Variants in CCDC146 observed in about 807,000 individuals in gnomAD.
CCDC146 encodes the protein coiled-coil domain-containing protein 146.
A neutral mutation model predicts 119.3 loss-of-function variants in CCDC146; 92 were observed. The observed-to-expected ratio is 0.77, with a 90% CI of 0.65 to 0.92. The LOEUF is 0.92. Ranked by LOEUF, CCDC146 falls within the 40% of genes least tolerant of loss-of-function variation. CCDC146 has a pLI of 0.00. For missense variants in CCDC146, 1,000 were observed against 1,103.0 expected, an observed-to-expected ratio of 0.91 and a Z score of 1.32; for synonymous variants, 372 against 371.8, an observed-to-expected ratio of 1.00 and a Z score of -0.01.
intron 2 of CCDC146, among the ~76,000 whole-genome samples, chr7:77,172,111 CAG>C (rs1455792782): frequency 6.6e-6 from 1 of 152,166 alleles, no homozygotes; most frequent in Non-Finnish European, 1.5e-5. Flanking sequence ...CTCCTCAAAA[CAG>C]TGATAAATTG....
At chr7:77,249,138 T>G (rs1793008868) in intron 4 of CCDC146, among the ~76,000 whole-genome samples, 1 of 152,226 alleles carries the variant, frequency 6.6e-6, no homozygotes, top group African/African-American at 2.4e-5. Context: ...TACTTCTCCT[T>G]GCACTTCTAT....
chr7:77,251,772 T>C (rs1258678740), intron 4 of CCDC146, among the ~76,000 whole-genome samples: 1 of 152,208 alleles, frequency 6.6e-6, no homozygotes, highest in Non-Finnish European at 1.5e-5. Context: ...GCTCTTGTGC[T>C]CTTTCTCTCA....
At chr7:77,210,174 A>G (rs1411342995) in intron 2 of CCDC146, among the ~76,000 whole-genome samples, 1 of 152,242 alleles carries the variant, frequency 6.6e-6, no homozygotes, top group Non-Finnish European at 1.5e-5. Context: ...TCCCTTTTAA[A>G]TATAAGTTCC....
intron 18 of CCDC146, among the ~76,000 whole-genome samples, chr7:77,293,548 G>A (rs1350716068): frequency 6.6e-6 from 1 of 152,202 alleles, no homozygotes; most frequent in Non-Finnish European, 1.5e-5. Flanking sequence ...CCTCTGCTCA[G>A]ACCACATCTG....
chr7:77,220,575 C>A (rs1792385719), intron 2 of CCDC146, among the ~76,000 whole-genome samples: 1 of 152,212 alleles, frequency 6.6e-6, no homozygotes, highest in Admixed American at 6.5e-5. Flanking sequence ...AATTTATATT[C>A]TTCTGCTGTG....
intron 14 of CCDC146, 114 bp from the exon 15 acceptor site, chr7:77,282,443 T>C: frequency 1.5e-6 from 1 of 668,658 alleles, no homozygotes; most frequent in Non-Finnish European, 2.6e-6. Context: ...TGTGATCCTC[T>C]GGAAGTATGC....
intron 1 of CCDC146, among the ~76,000 whole-genome samples, chr7:77,141,521 T>A (rs1304341369): frequency 6.6e-6 from 1 of 152,208 alleles, no homozygotes. Context: ...TTGAACTCAT[T>A]TACACTCCCA....
chr7:77,281,018 G>A (rs549470525), intron 14 of CCDC146, among the ~76,000 whole-genome samples: 10 of 151,730 alleles, frequency 6.6e-5, no homozygotes, highest in African/African-American at 2.4e-4. Flanking sequence ...CACGAGAATC[G>A]CTTGAACCCG....
At chr7:77,222,463 G>A (rs1305052836) in intron 2 of CCDC146, among the ~76,000 whole-genome samples, 1 of 152,218 alleles carries the variant, frequency 6.6e-6, no homozygotes, top group Non-Finnish European at 1.5e-5. Flanking sequence ...AAGTCTTGCA[G>A]CCTAGAGCTG....
chr7:77,292,846 C>A (rs1793974974), intron 17 of CCDC146, 106 bp from the exon 18 acceptor site: 1 of 1,188,294 alleles, frequency 8.4e-7, no homozygotes, highest in Non-Finnish European at 1.2e-6. Flanking sequence ...GACCCTCCTT[C>A]CTTCAGACAA....
intron 2 of CCDC146, among the ~76,000 whole-genome samples, chr7:77,228,629 T>C (rs1035201374): frequency 2.6e-5 from 4 of 152,198 alleles, no homozygotes; most frequent in Non-Finnish European, 5.9e-5. Context: ...TACACATGGA[T>C]GTGTCTTTAT....
rs750322257 is a variant in CCDC146, at chr7:77,293,017, G to A, written c.2481G>A (p.Leu827=). 1 of 1,614,088 alleles carries A rather than the reference G, an allele frequency of 6.2e-7. No individual in the cohort carries two copies. Among genetic ancestry groups the A allele is most frequent in the Non-Finnish European group, 8.5e-7 (1 of 1,179,988 alleles). The part of the protein sequence containing the change: ...TEKMMALVAE[L]SMKQALTIEL... ...AAATGATGGCTCTTGTTGCTGAGCT[G>A]TCCATGAAACAAGCCCTAACCATTG... is the stretch of plus-strand genomic sequence containing the variant. Residue 827 remains leucine, a synonymous_variant, in exon 18 of 19, where the codon CTG becomes CTA. Coordinates refer to ENST00000285871, the MANE Select transcript of CCDC146 (RefSeq NM_020879.3).
At chr7:77,216,773 C>G (rs925170008) in intron 2 of CCDC146, among the ~76,000 whole-genome samples, 107 of 152,268 alleles carry the variant, frequency 7.0e-4, no homozygotes, top group African/African-American at 2.4e-3. Flanking sequence ...CTGCATTTCC[C>G]TTACAAATTA....
intron 2 of CCDC146, among the ~76,000 whole-genome samples, chr7:77,212,880 AATAGTAAGCCTGTATTTCCATTATAATC>A (rs1396487085): frequency 6.6e-6 from 1 of 151,742 alleles, no homozygotes; most frequent in Non-Finnish European, 1.5e-5. Flanking sequence ...GATTTTGCTT[AATAGTAAGCCTGTATTTCCATTATAATC>A]ATAGAGCCTT....
chr7:77,186,746 C>T (rs1017897479), intron 2 of CCDC146, among the ~76,000 whole-genome samples: 1 of 151,934 alleles, frequency 6.6e-6, no homozygotes, highest in Non-Finnish European at 1.5e-5. Flanking sequence ...ATCAGGCAGC[C>T]CCCAAAATCA....
chr7:77,263,685 A>C (rs1360496834), intron 9 of CCDC146, among the ~76,000 whole-genome samples: 1 of 152,224 alleles, frequency 6.6e-6, no homozygotes, highest in Non-Finnish European at 1.5e-5. Flanking sequence ...GCACTTTGGG[A>C]GGCCGAGGTC....
At chr7:77,270,790 C>A (rs777472724) in intron 9 of CCDC146, among the ~76,000 whole-genome samples, 1 of 152,154 alleles carries the variant, frequency 6.6e-6, no homozygotes, top group Non-Finnish European at 1.5e-5. Flanking sequence ...TTTCAGTCAA[C>A]CTTAGTGTGT....
rs182526122 is a variant in CCDC146 at position 77,162,536 on chromosome 7, A to G, written c.-11-5122A>G. 2.0e-3 allele frequency among the ~76,000 whole-genome samples: 301 copies of G among 152,308 alleles called. 1 individual carries two copies. Among genetic ancestry groups the G allele is most frequent in the Non-Finnish European group, 3.4e-3 (232 of 68,024 alleles). On this transcript the variant is annotated intron_variant, in intron 1 of 18. Transcript: ENST00000285871. Reference sequence around the variant, plus strand: ...CCAGCACCATACTGTTTTGATTACTATAACTTTGTGCTACAATTTGAAATC... The same window carrying G: ...CCAGCACCATACTGTTTTGATTACTGTAACTTTGTGCTACAATTTGAAATC...
chr7:77,215,476 G>A (rs1255719586), intron 2 of CCDC146, among the ~76,000 whole-genome samples: 1 of 152,034 alleles, frequency 6.6e-6, no homozygotes, highest in African/African-American at 2.4e-5. Context: ...GTGGGAAATG[G>A]TATTTAGAGA....
Sources: gnomAD v4.1 joint callset for allele counts (sites outside exome capture counted in the v4.1 genomes callset) on GRCh38, gnomAD v4.1.1 for gene constraint, MANE v1.5 for transcripts, NCBI Gene and HGNC (gene_info 2026-07-23, HGNC 2026-07-21) for gene names.